ADSL: variants seen among roughly 807,000 people sequenced by gnomAD.
ADSL encodes adenylosuccinase.
A neutral mutation model predicts 62.1 loss-of-function variants in ADSL; 44 were observed. The observed-to-expected ratio is 0.71, with a 90% CI of 0.56 to 0.91. The LOEUF (loss-of-function observed/expected upper bound fraction) is 0.91, where lower values mean the gene tolerates loss of function less well. ADSL is among the 40% of genes least tolerant of loss of function. The pLI, the probability that ADSL is intolerant of heterozygous loss-of-function variation, is 0.00. For missense variants in ADSL, 531 were observed against 627.4 expected (o/e 0.85, Z 1.64); for synonymous variants, 198 against 220.5 (o/e 0.90, Z 0.90).
Position 40,356,633 on chromosome 22 carries a change from C to T in ADSL, c.483-2231C>T, listed in dbSNP as rs561015841. Among the ~76,000 whole-genome samples, 49 of 151,540 alleles carry T rather than the reference C, an allele frequency of 3.2e-4. No individual in the cohort carries two copies. The South Asian group carries it at 9.2e-3, about 28-fold the overall frequency. The stretch of plus-strand genomic sequence containing the variant: ...GCCAAGGCAGGACGATAGCTTGAGG[C>T]ATGGAGTTCGAGACCAGCCTGGGCA... On this transcript the variant is annotated intron_variant, in intron 4 of 12. Transcript: ENST00000623063.
chr22:40,383,609 A>T (rs1443576538), intron 2 of ADSL, among the ~76,000 whole-genome samples: 1 of 152,158 alleles, frequency 6.6e-6, no homozygotes, highest in Admixed American at 6.5e-5. Context: ...TGGCCTTCTT[A>T]GCAGAGGACA....
chr22:40,359,292 G>A lies in ADSL; in HGVS notation c.687G>A (p.Lys229=). Residue 229 remains lysine (K), a synonymous_variant, in exon 6 of 13, where the codon AAG becomes AAA. Transcript: ENST00000623063. ...VEQLDKMVTE[K]AGFKRAFIIT... Reference sequence around the variant, plus strand: ...AGCTTGACAAGATGGTGACAGAAAAGGCAGGATTTAAGAGGTAGGTAAATG... The same window carrying A: ...AGCTTGACAAGATGGTGACAGAAAAAGCAGGATTTAAGAGGTAGGTAAATG... 1 of 1,614,100 alleles carries A rather than the reference G, an allele frequency of 6.2e-7. No individual in the cohort carries two copies. Among genetic ancestry groups the A allele is most frequent in the East Asian group, 2.2e-5 (1 of 44,874 alleles).
rs529698966 is a variant in ADSL at position 40,368,785 on chromosome 22, G to T, written c.*2263G>T. ...CTACTAAAAATACAATCAACCGGGC[G>T]TGGTGGCAGGCGCCTATAGTCCCAG... On this transcript the variant is annotated 3_prime_UTR_variant, in exon 13 of 13. Coordinates refer to ENST00000623063, the MANE Select transcript of ADSL (RefSeq NM_000026.4). The T allele has an allele frequency of 2.0e-5, 3 of 152,190 alleles. No homozygotes were observed. The highest frequency in any genetic ancestry group is 4.4e-5 in the Non-Finnish European group (3 of 68,074). The allele number at this position is 152,190 out of a possible 1,614,324, so 9.4% of individuals were successfully genotyped here.
intron 2 of ADSL, among the ~76,000 whole-genome samples, chr22:40,384,023 A>G (rs974638350): frequency 1.3e-5 from 2 of 152,104 alleles, no homozygotes; most frequent in Non-Finnish European, 2.9e-5. Context: ...CCAAAGTGGG[A>G]GGATTGCTTG....
At chr22:40,384,725 A>G (rs574500046) in intron 2 of ADSL, among the ~76,000 whole-genome samples, 78 of 152,214 alleles carry the variant, frequency 5.1e-4, no homozygotes, top group Non-Finnish European at 9.7e-4. Context: ...AGTTTGCAGT[A>G]AGCTGAGATA....
intron 11 of ADSL, 111 bp from the exon 12 acceptor site, chr22:40,364,769 G>A (rs2044934370): frequency 8.5e-7 from 1 of 1,171,650 alleles, no homozygotes; most frequent in Admixed American, 1.7e-5. Flanking sequence ...GCCTAGAGGG[G>A]TTTTGTGTAG....
chr22:40,353,826 C>A, intron 3 of ADSL: 1 of 276,242 alleles, frequency 3.6e-6, no homozygotes, highest in Non-Finnish European at 7.0e-6. Context: ...CGGGGTTTCA[C>A]CGTGTTAGCC....
At chr22:40,365,987 A>G (rs1015725461) in intron 12 of ADSL, among the ~76,000 whole-genome samples, 1 of 152,078 alleles carries the variant, frequency 6.6e-6, no homozygotes, top group Non-Finnish European at 1.5e-5. Context: ...CTGAGGGCTA[A>G]AAGACTAAAA....
chr22:40,376,229 G>A (rs559582568), intron 2 of ADSL: 5 of 120,904 alleles, frequency 4.1e-5, no homozygotes, highest in South Asian at 2.9e-4. Flanking sequence ...GAAACAGTAC[G>A]GTAGTCGGAG....
downstream of ADSL, among the ~76,000 whole-genome samples, chr22:40,370,352 C>A (rs1352762235): frequency 4.9e-5 from 6 of 121,986 alleles, no homozygotes; most frequent in Admixed American, 6.0e-4. Flanking sequence ...GAGACTCCAT[C>A]TCAAAAAAAA....
chr22:40,358,233 C>T (rs529296588), intron 4 of ADSL, among the ~76,000 whole-genome samples: 2 of 152,166 alleles, frequency 1.3e-5, no homozygotes, highest in East Asian at 3.9e-4. Context: ...TATTTCTTAC[C>T]AATGTCTGTG....
intron 2 of ADSL, among the ~76,000 whole-genome samples, chr22:40,381,291 G>A (rs1174207504): frequency 1.3e-5 from 2 of 152,060 alleles, no homozygotes; most frequent in East Asian, 1.9e-4. Context: ...GGGACTACAG[G>A]TGTGCACCAC....
intron 2 of ADSL, among the ~76,000 whole-genome samples, chr22:40,377,188 A>G (rs1020746787): frequency 6.6e-6 from 1 of 152,254 alleles, no homozygotes. Context: ...AGAACAGTTC[A>G]TCCCTGACCA....
intron 6 of ADSL, 100 bp from the exon 7 acceptor site, chr22:40,360,302 C>A (rs1244517509): frequency 1.1e-5 from 10 of 944,388 alleles, no homozygotes; most frequent in African/African-American, 1.6e-5. Context: ...TTAAAGCAGT[C>A]CTCCTCCGTT....
rs2045053131 is a variant in ADSL at position 40,368,045 on chromosome 22, A to G, written c.*1523A>G. 1 of 152,204 alleles carries G rather than the reference A, an allele frequency of 6.6e-6. No individual in the cohort carries two copies. Among genetic ancestry groups the G allele is most frequent in the Non-Finnish European group, 1.5e-5 (1 of 68,048 alleles). 9.4% of individuals were successfully genotyped at this position (152,204 alleles called of 1,614,324 possible). On this transcript the variant is annotated 3_prime_UTR_variant, in exon 13 of 13. Transcript: ENST00000623063. ...TCTGAGGAATAGAGATGAACTGGAGAGCCAACCTCCAAAAAGATCTTGTGG... is the reference window on the plus strand; with the variant it reads ...TCTGAGGAATAGAGATGAACTGGAGGGCCAACCTCCAAAAAGATCTTGTGG...
At chr22:40,371,926 T>G (rs1194919746), downstream of ADSL, among the ~76,000 whole-genome samples, 1 of 152,058 alleles carries the variant, frequency 6.6e-6, no homozygotes, top group Non-Finnish European at 1.5e-5. Context: ...CTCGAACTCC[T>G]GACCACAGGT....
At chr22:40,347,040 G>T (rs1398550480) in intron 1 of ADSL, among the ~76,000 whole-genome samples, 1 of 152,204 alleles carries the variant, frequency 6.6e-6, no homozygotes, top group Non-Finnish European at 1.5e-5. Flanking sequence ...CGCTTGTTTC[G>T]TACTGTTGTG....
intron 2 of ADSL, among the ~76,000 whole-genome samples, chr22:40,350,807 A>G (rs1443065474): frequency 1.3e-5 from 2 of 151,470 alleles, no homozygotes; most frequent in Non-Finnish European, 2.9e-5. Flanking sequence ...TTTTTAGTAG[A>G]GAGGGGTTTT....
chr22:40,385,093 A>G (rs184391799), intron 2 of ADSL, among the ~76,000 whole-genome samples: 1 of 152,376 alleles, frequency 6.6e-6, no homozygotes, highest in East Asian at 1.9e-4. Context: ...GTCATTGAAC[A>G]GTTCAAGAAA....
Sources: gnomAD v4.1 joint callset for allele counts (sites outside exome capture counted in the v4.1 genomes callset) on GRCh38, gnomAD v4.1.1 for gene constraint, MANE v1.5 for transcripts, NCBI Gene and HGNC (gene_info 2026-07-23, HGNC 2026-07-21) for gene names.